The following HAVCR2 variants were observed in gnomAD, a reference collection of about 807,000 sequenced individuals.
HAVCR2 encodes the protein T cell immunoglobulin mucin 3.
HAVCR2 carries 13 observed loss-of-function variants against 24.7 expected under a neutral mutation model. The observed-to-expected ratio is 0.53, with a 90% CI of 0.34 to 0.84. The LOEUF (loss-of-function observed/expected upper bound fraction) is 0.84. Ranked by LOEUF, HAVCR2 falls within the 40% of genes least tolerant of loss-of-function variation. The pLI, the probability that HAVCR2 is intolerant of heterozygous loss-of-function variation, is 0.01. For missense variants in HAVCR2, 343 were observed against 371.2 expected, an observed-to-expected ratio of 0.92 and a Z score of 0.62; for synonymous variants, 154 against 143.4, an observed-to-expected ratio of 1.07 and a Z score of -0.53.
intron 6 of HAVCR2, among the ~76,000 whole-genome samples, chr5:157,088,252 G>A (rs1274994201): frequency 1.3e-5 from 2 of 152,178 alleles, no homozygotes; most frequent in Non-Finnish European, 2.9e-5. Context: ...TTCCATTCAT[G>A]TGCCAAACAT....
At chr5:157,090,594 G>C (rs562994694) in intron 5 of HAVCR2, among the ~76,000 whole-genome samples, 21 of 152,004 alleles carry the variant, frequency 1.4e-4, no homozygotes, top group Non-Finnish European at 2.8e-4. Context: ...TGTTGCCCAG[G>C]CTAGTCTCAA....
In HAVCR2 at chr5:157,085,863, A is replaced by G. The variant is rs1021225451; in HGVS notation, c.*1239T>C. 1.3e-5 allele frequency: 2 copies of G among 152,218 alleles called. No individual in the cohort carries two copies. Among genetic ancestry groups the G allele is most frequent in the African/African-American group, 2.4e-5 (1 of 41,456 alleles). 9.4% of individuals were successfully genotyped at this position (152,218 alleles called of 1,614,324 possible). A position where few individuals can be genotyped will look rare whatever the true frequency, so the allele number is the denominator to read the frequency against. On this transcript the variant is annotated 3_prime_UTR_variant, in exon 7 of 7. Coordinates refer to ENST00000307851, the MANE Select transcript of HAVCR2 (RefSeq NM_032782.5). ...AAAAAAAAATTTTTAGTAAGTTCCA[A>G]TTGTGTGTCAGAATTGTGCTAGGCG...
chr5:157,089,648 A>C (rs886420273), intron 5 of HAVCR2, among the ~76,000 whole-genome samples: 1 of 152,174 alleles, frequency 6.6e-6, no homozygotes, highest in African/African-American at 2.4e-5. Flanking sequence ...GATAATAGAG[A>C]GGGTGGTCAG....
chr5:157,095,399 A>G lies in HAVCR2; in HGVS notation c.583T>C (p.Ser195Pro). The G allele has an allele frequency of 1.2e-6, 2 of 1,614,160 alleles. No homozygotes were observed. Among genetic ancestry groups the G allele is most frequent in the Non-Finnish European group, 1.7e-6 (2 of 1,180,016 alleles). Residue 195 changes from serine to proline, a missense_variant, in exon 5 of 7, where the codon TCT becomes CCT. Ser to Pro is a moderately conservative substitution (Grantham distance 74). Transcript: ENST00000307851. ...ATGCCTATTCTGATGGTTGCTCCAG[A>G]GTCCCGTAAGTCATTGGCCAATCTA... ...DSRLANDLRD[S>P]GATIRIGIYI... is the part of the protein sequence containing the mutation.
At chr5:157,089,164 G>T (rs1254325814) in intron 5 of HAVCR2, among the ~76,000 whole-genome samples, 187 bp from the exon 6 acceptor site, 1 of 152,130 alleles carries the variant, frequency 6.6e-6, no homozygotes, top group Admixed American at 6.6e-5. Flanking sequence ...TAATAATAAA[G>T]ATGCATTTTT....
rs185866774 is a variant in HAVCR2, at chr5:157,086,213, C to T, written c.*889G>A. Reference sequence around the variant, plus strand: ...CCTGCCACATCTCAGCCCTGCAGGGCAGTCTTCATAAGGGAGACAAAAGAA... The same window carrying T: ...CCTGCCACATCTCAGCCCTGCAGGGTAGTCTTCATAAGGGAGACAAAAGAA... On this transcript the variant is annotated 3_prime_UTR_variant, in exon 7 of 7. Transcript: ENST00000307851. 6.6e-6 allele frequency: 1 copy of T among 152,256 alleles called. No homozygotes were observed. Among genetic ancestry groups the T allele is most frequent in the Admixed American group, 6.5e-5 (1 of 15,272 alleles). 9.4% of individuals were successfully genotyped at this position (152,256 alleles called of 1,614,324 possible). A position where few individuals can be genotyped will look rare whatever the true frequency, so the allele number is the denominator to read the frequency against.
intron 3 of HAVCR2, among the ~76,000 whole-genome samples, chr5:157,103,073 A>T (rs532981785): frequency 6.6e-6 from 1 of 151,926 alleles, no homozygotes; most frequent in Non-Finnish European, 1.5e-5. Flanking sequence ...TGATGTAGTA[A>T]AAAGTACTGG....
intron 3 of HAVCR2, 83 bp from the exon 4 acceptor site, chr5:157,098,984 A>G (rs149812959): frequency 1.0e-4 from 127 of 1,270,270 alleles, no homozygotes; most frequent in Middle Eastern, 9.2e-4. Flanking sequence ...TAAGTTTTTA[A>G]AAAATCTTAA....
At chr5:157,091,202 TG>T (rs914854284) in intron 5 of HAVCR2, among the ~76,000 whole-genome samples, 1 of 152,192 alleles carries the variant, frequency 6.6e-6, no homozygotes, top group African/African-American at 2.4e-5. Context: ...CCCAGCACTT[TG>T]GGAGGCCAAG....
At chr5:157,094,006 A>G (rs985188987) in intron 5 of HAVCR2, among the ~76,000 whole-genome samples, 3 of 150,486 alleles carry the variant, frequency 2.0e-5, no homozygotes, top group Non-Finnish European at 2.9e-5. Flanking sequence ...TCCTACTGTA[A>G]TTCTCCATCA....
Position 157,103,135 on chromosome 5 carries a change from G to A in HAVCR2, c.478+1531C>T, listed in dbSNP as rs531554173. On this transcript the variant is annotated intron_variant, in intron 3 of 6. Coordinates refer to ENST00000307851, the MANE Select transcript of HAVCR2 (RefSeq NM_032782.5). ...TCCCAGCACTTTGGGAGGCCGAGGC[G>A]GGAGGATCACAAGGTCAGGAGATGG... is the stretch of plus-strand genomic sequence containing the variant. Among the ~76,000 whole-genome samples, 102 of 152,086 alleles carry A rather than the reference G, an allele frequency of 6.7e-4. 1 individual carries two copies. The South Asian group carries it at 0.02, about 30-fold the overall frequency.
Position 157,087,217 on chromosome 5 carries a change from A to G in HAVCR2, c.791T>C (p.Ile264Thr), listed in dbSNP as rs1040658294. Residue 264 changes from isoleucine (I) to threonine (T), a missense_variant, in exon 7 of 7, where the codon ATC becomes ACC. Ile to Thr is a moderately conservative substitution (Grantham distance 89). Transcript: ENST00000307851. ...ATATACGTTCTCTTCAATGGTATAG[A>G]TGTTTTCTTCTGAGCGAATTCCCTC... ...VAEGIRSEEN[I>T]YTIEENVYEV... 3.1e-6 allele frequency: 5 copies of G among 1,614,006 alleles called. No homozygotes were observed. The highest frequency in any genetic ancestry group is 4.2e-6 in the Non-Finnish European group (5 of 1,179,990).
At chr5:157,093,589 T>C (rs6866543) in intron 5 of HAVCR2, among the ~76,000 whole-genome samples, 3,740 of 152,266 alleles carry the variant, frequency 0.025, 160 homozygotes, top group African/African-American at 0.085. Context: ...TATGTCATAT[T>C]ACGCTCTGGG....
rs1395865497 is a variant in HAVCR2 at position 157,086,726 on chromosome 5, A to T, written c.*376T>A. The T allele has an allele frequency of 5.7e-6, 1 of 173,982 alleles. No homozygotes were observed. The highest frequency in any genetic ancestry group is 1.7e-4 in the East Asian group (1 of 5,938). The allele number at this position is 173,982 out of a possible 1,614,324, so 10.8% of individuals were successfully genotyped here. A position where few individuals can be genotyped will look rare whatever the true frequency, so the allele number is the denominator to read the frequency against. On this transcript the variant is annotated 3_prime_UTR_variant, in exon 7 of 7. Transcript: ENST00000307851. The stretch of plus-strand genomic sequence containing the variant: ...TTAGACTTTCTGTGCCAAAAAAGTT[A>T]TGCTTTCACCTCAGCACCCAGTTTT...
chr5:157,104,919 C>G (rs1757224737), intron 2 of HAVCR2, 170 bp from the exon 3 acceptor site: 2 of 457,678 alleles, frequency 4.4e-6, no homozygotes, highest in Non-Finnish European at 7.9e-6. Context: ...TCACACACTT[C>G]AAATGTTTGA....
intron 5 of HAVCR2, 145 bp downstream of exon 5, chr5:157,095,161 A>G (rs2113688107): frequency 2.6e-6 from 2 of 784,106 alleles, no homozygotes; most frequent in South Asian, 1.9e-5. Context: ...AAAATTAGCC[A>G]TTATTGTTAG....
At chr5:157,093,875 G>A (rs1757050755) in intron 5 of HAVCR2, among the ~76,000 whole-genome samples, 1 of 152,088 alleles carries the variant, frequency 6.6e-6, no homozygotes, top group South Asian at 2.1e-4. Flanking sequence ...AACCCGGGAG[G>A]CAGAGGTTAC....
At chr5:157,106,519 T>G (rs1267007598) in intron 2 of HAVCR2, 108 bp downstream of exon 2, 5 of 900,076 alleles carry the variant, frequency 5.6e-6, no homozygotes, top group Non-Finnish European at 6.9e-6. Context: ...TTAGTGGCCC[T>G]CCTCCAGGGC....
chr5:157,108,061 A>G (rs942056058), intron 1 of HAVCR2, among the ~76,000 whole-genome samples: 2 of 149,514 alleles, frequency 1.3e-5, no homozygotes, highest in Admixed American at 1.3e-4. Context: ...TAATTCCATT[A>G]AAAAAAAACT....
Sources: gnomAD v4.1 joint callset for allele counts (sites outside exome capture counted in the v4.1 genomes callset) on GRCh38, gnomAD v4.1.1 for gene constraint, MANE v1.5 for transcripts, NCBI Gene and HGNC (gene_info 2026-07-23, HGNC 2026-07-21) for gene names.